Variants in WNT3A observed in about 807,000 individuals in gnomAD.
The protein encoded by WNT3A is protein Wnt-3a.
Under a neutral mutation model 37.0 loss-of-function variants are expected in WNT3A, and 17 were observed. That is an observed-to-expected ratio of 0.46 (90% confidence interval 0.31 to 0.69). WNT3A has a LOEUF of 0.69. Ranked by LOEUF, WNT3A falls within the 30% of genes least tolerant of loss-of-function variation. The pLI, the probability that WNT3A is intolerant of heterozygous loss-of-function variation, is 0.05. For missense variants in WNT3A, 411 were observed against 510.2 expected (o/e 0.81, Z 1.87); for synonymous variants, 187 against 211.0 (o/e 0.89, Z 0.99).
chr1:228,060,299 C>A lies in WNT3A; in HGVS notation c.*834C>A. 1 of 1,351,290 alleles carries A rather than the reference C, an allele frequency of 7.4e-7. No homozygotes were observed. The highest frequency in any genetic ancestry group is 9.8e-7 in the Non-Finnish European group (1 of 1,021,168). The allele number at this position is 1,351,290 out of a possible 1,614,324, so 83.7% of individuals were successfully genotyped here. ...ACCCCTGCGTCGAGCTGGGAAGGTT[C>A]CATGAAGCGAGTCGGGTCCCCAACC... On this transcript the variant is annotated 3_prime_UTR_variant, in exon 4 of 4. Transcript: ENST00000284523.
chr1:228,025,056 T>C (rs2030819045), intron 2 of WNT3A, among the ~76,000 whole-genome samples: 2 of 152,212 alleles, frequency 1.3e-5, no homozygotes, highest in Admixed American at 6.5e-5. Context: ...GTGGTATGTT[T>C]TGAAACTGGG....
chr1:228,009,898 G>A (rs914371579), intron 1 of WNT3A, among the ~76,000 whole-genome samples: 7 of 152,112 alleles, frequency 4.6e-5, no homozygotes, highest in East Asian at 1.9e-4. Flanking sequence ...AAGGCTGAGC[G>A]GGTCTGAAAT....
Position 228,059,802 on chromosome 1 carries a change from G to A in WNT3A, c.*337G>A, listed in dbSNP as rs1014024304. On this transcript the variant is annotated 3_prime_UTR_variant, in exon 4 of 4. Coordinates refer to ENST00000284523, the MANE Select transcript of WNT3A (RefSeq NM_033131.4). ...CGGGGCTTCTCTTGGGTGGGACAGG[G>A]CTTCTCCTGCGGGGGCGAGGCCCCT... The A allele has an allele frequency of 5.9e-5, 67 of 1,128,354 alleles. No individual in the cohort carries two copies. Among genetic ancestry groups the A allele is most frequent in the Non-Finnish European group, 6.6e-5 (61 of 920,830 alleles). The allele number at this position is 1,128,354 out of a possible 1,614,324, so 69.9% of individuals were successfully genotyped here.
chr1:228,055,178 AAATATATATATATATATATATAT>A (rs1314255855), intron 3 of WNT3A, among the ~76,000 whole-genome samples: 6 of 46,984 alleles, frequency 1.3e-4, no homozygotes, highest in Admixed American at 2.9e-4. Flanking sequence ...AAAAAAAAAA[AAATATATATATATATATATATAT>A]ATATATATAT....
At chr1:228,058,277 A>G (rs1457905899) in intron 3 of WNT3A, among the ~76,000 whole-genome samples, 1 of 152,218 alleles carries the variant, frequency 6.6e-6, no homozygotes, top group Non-Finnish European at 1.5e-5. Flanking sequence ...TCACACTGCC[A>G]TGCCTCATGG....
At chr1:228,028,292 A>ATTTTT (rs56294253) in intron 2 of WNT3A, among the ~76,000 whole-genome samples, 4 of 120,194 alleles carry the variant, frequency 3.3e-5, no homozygotes, top group African/African-American at 6.6e-5. Context: ...GTTACATATA[A>ATTTTT]TTTTTTTTTT....
At chr1:228,009,582 G>A (rs1018401963) in intron 1 of WNT3A, among the ~76,000 whole-genome samples, 9 of 152,074 alleles carry the variant, frequency 5.9e-5, no homozygotes, top group African/African-American at 2.2e-4. Context: ...GGGGTGGGGG[G>A]CCTCCCTGTA....
At chr1:228,047,012 A>T (rs2102777691) in intron 2 of WNT3A, among the ~76,000 whole-genome samples, 1 of 152,256 alleles carries the variant, frequency 6.6e-6, no homozygotes, top group East Asian at 1.9e-4. Context: ...ACCCACAGAT[A>T]AGAACCAGGA....
At chr1:228,017,347 C>T (rs561692604) in intron 1 of WNT3A, among the ~76,000 whole-genome samples, 1 of 152,246 alleles carries the variant, frequency 6.6e-6, no homozygotes, top group Non-Finnish European at 1.5e-5. Flanking sequence ...CAGCAAGCCT[C>T]CCTTTCAGAG....
intron 3 of WNT3A, among the ~76,000 whole-genome samples, chr1:228,054,559 C>T (rs949592805): frequency 2.1e-5 from 3 of 143,122 alleles, no homozygotes; most frequent in African/African-American, 5.2e-5. Context: ...ACCCAGGAGG[C>T]GGAGCTTGCA....
At chr1:228,055,176 AAAAATATATATAT>A (rs1425310243) in intron 3 of WNT3A, among the ~76,000 whole-genome samples, 5 of 59,076 alleles carry the variant, frequency 8.5e-5, no homozygotes, top group African/African-American at 2.2e-4. Flanking sequence ...AAAAAAAAAA[AAAAATATATATAT>A]ATATATATAT....
chr1:228,042,297 G>A lies in WNT3A; in HGVS notation c.314-8359G>A, dbSNP rs2031303511. On this transcript the variant is annotated intron_variant, in intron 2 of 3. Coordinates refer to ENST00000284523, the MANE Select transcript of WNT3A (RefSeq NM_033131.4). The surrounding 1 kb of genome is among the most constrained non-coding windows in gnomAD (Gnocchi z 5.2). ...CAGCCTCTGGAGGATTTTTTTTACT[G>A]TGGTTATTGAGAGTGGGCACCTTGC... Among the ~76,000 whole-genome samples the A allele has an allele frequency of 6.6e-6, 1 of 152,122 alleles. No individual in the cohort carries two copies. Among genetic ancestry groups the A allele is most frequent in the South Asian group, 2.1e-4 (1 of 4,818 alleles).
chr1:228,060,357 G>A lies in WNT3A; in HGVS notation c.*892G>A. On this transcript the variant is annotated 3_prime_UTR_variant, in exon 4 of 4. Coordinates refer to ENST00000284523, the MANE Select transcript of WNT3A (RefSeq NM_033131.4). ...CTGGGATCCGAGGGCCCCTCTCCAA[G>A]CGCCTGGCTTTGGAATGCTCCAGGC... The A allele has an allele frequency of 7.7e-7, 1 of 1,298,840 alleles. No homozygotes were observed. The highest frequency in any genetic ancestry group is 1.0e-6 in the Non-Finnish European group (1 of 976,706). The allele number at this position is 1,298,840 out of a possible 1,614,324, so 80.5% of individuals were successfully genotyped here. A position where few individuals can be genotyped will look rare whatever the true frequency, so the allele number is the denominator to read the frequency against.
chr1:228,034,809 T>C (rs914680137), intron 2 of WNT3A, among the ~76,000 whole-genome samples: 1 of 152,196 alleles, frequency 6.6e-6, no homozygotes, highest in Non-Finnish European at 1.5e-5. Flanking sequence ...TAAAGGTGCC[T>C]GATTTTCACA....
chr1:228,007,031 CCCAGCGACGCCGCCGCG>C lies in WNT3A; in HGVS notation c.-92_-76del. ...CCGCGCACCCGCGGCCGCAGGAGGG[CCCAGCGACGCCGCCGCG>C]CCAGCTCCCAGGGCCCGGCCCCCCC... is the stretch of plus-strand genomic sequence containing the variant. On this transcript the variant is annotated 5_prime_UTR_variant, in exon 1 of 4. Transcript: ENST00000284523. The surrounding 1 kb of genome is among the most constrained non-coding windows in gnomAD (Gnocchi z 6.0). 1.2e-6 allele frequency: 1 copy of C among 805,938 alleles called. No individual in the cohort carries two copies. The highest frequency in any genetic ancestry group is 1.6e-6 in the Non-Finnish European group (1 of 612,896). 49.9% of individuals were successfully genotyped at this position (805,938 alleles called of 1,614,324 possible).
At chr1:228,046,788 G>T (rs372666121) in intron 2 of WNT3A, among the ~76,000 whole-genome samples, 1 of 149,224 alleles carries the variant, frequency 6.7e-6, no homozygotes, top group Non-Finnish European at 1.5e-5. Context: ...GTGTGCATGC[G>T]TGTGATGTGT....
chr1:228,013,769 C>T (rs772685137), intron 1 of WNT3A, among the ~76,000 whole-genome samples: 5 of 152,316 alleles, frequency 3.3e-5, no homozygotes, highest in East Asian at 1.9e-4. Flanking sequence ...TGGGTGCCCT[C>T]GGGCAGTCTC....
intron 1 of WNT3A, among the ~76,000 whole-genome samples, chr1:228,013,556 G>A (rs1309367868): frequency 2.0e-5 from 3 of 152,216 alleles, no homozygotes; most frequent in Non-Finnish European, 2.9e-5. Context: ...GAGGAGGTGC[G>A]GGTTGGGAGA....
chr1:228,011,528 T>A (rs1043604227), intron 1 of WNT3A, among the ~76,000 whole-genome samples: 8 of 152,112 alleles, frequency 5.3e-5, no homozygotes, highest in Non-Finnish European at 1.0e-4. Flanking sequence ...TCCCTGTCTG[T>A]CTCTCTCTCT....
Sources: allele counts gnomAD v4.1 joint callset (sites outside exome capture counted in the v4.1 genomes callset), GRCh38; gene constraint gnomAD v4.1.1; non-coding constraint Gnocchi (gnomAD v3.1); transcripts MANE v1.5; gene names NCBI Gene and HGNC (gene_info 2026-07-23, HGNC 2026-07-21).